C12orf42: variants seen among roughly 807,000 people sequenced by gnomAD.
C12orf42 encodes the protein chromosome 12 open reading frame 42, also known as uncharacterized protein C12orf42.
C12orf42 carries 25 observed loss-of-function variants against 21.6 expected under a neutral mutation model. That is an observed-to-expected ratio of 1.16 (90% confidence interval 0.84 to 1.62). The LOEUF is 1.62. Among genes scored for constraint, C12orf42 ranks in the 40% most tolerant of loss-of-function variants. The probability of loss-of-function intolerance (pLI) is 0.00; values close to 1 mark genes in which losing one functional copy is unlikely to be tolerated. For missense variants in C12orf42, 483 were observed against 459.3 expected, an observed-to-expected ratio of 1.05 and a Z score of -0.47; for synonymous variants, 174 against 175.0, an observed-to-expected ratio of 0.99 and a Z score of 0.05.
the C12orf42 span, among the ~76,000 whole-genome samples, chr12:103,556,154 G>A: frequency 6.6e-6 from 1 of 152,074 alleles, no homozygotes; most frequent in Non-Finnish European, 1.5e-5. Context: ...CCCACCCCTG[G>A]GTTCAAAGCC....
chr12:103,250,792 T>G (rs1393369846), intron 10 of C12orf42, among the ~76,000 whole-genome samples: 2 of 152,102 alleles, frequency 1.3e-5, no homozygotes, highest in Non-Finnish European at 1.5e-5. Flanking sequence ...CTCAGAATCC[T>G]TCACAAGCTT....
intron 4 of C12orf42, among the ~76,000 whole-genome samples, chr12:103,331,027 C>G (rs920409087): frequency 1.3e-5 from 2 of 152,162 alleles, no homozygotes; most frequent in African/African-American, 4.8e-5. Context: ...ATAAAATAAA[C>G]CAATTCTCTA....
Position 103,302,027 on chromosome 12 carries a change from C to T in C12orf42, c.*81G>A, listed in dbSNP as rs2037690730. Reference sequence around the variant, plus strand: ...AACAATGGTTCTGTGGAAACCAGTACATCTGAGGCCCTTTCTGTTGTTCTG... The same window carrying T: ...AACAATGGTTCTGTGGAAACCAGTATATCTGAGGCCCTTTCTGTTGTTCTG... On this transcript the variant is annotated 3_prime_UTR_variant, in exon 6 of 6. Coordinates refer to ENST00000548883, the MANE Select transcript of C12orf42 (RefSeq NM_198521.5). 7.1e-7 allele frequency: 1 copy of T among 1,409,776 alleles called. No individual in the cohort carries two copies. The highest frequency in any genetic ancestry group is 9.7e-7 in the Non-Finnish European group (1 of 1,032,342). 87.3% of individuals were successfully genotyped at this position (1,409,776 alleles called of 1,614,324 possible).
At chr12:103,321,200 C>A (rs201264740) in intron 4 of C12orf42, among the ~76,000 whole-genome samples, 1 of 149,986 alleles carries the variant, frequency 6.7e-6, no homozygotes, top group Admixed American at 6.7e-5. Flanking sequence ...ACAAAGTGGG[C>A]GAAGGACATG....
the C12orf42 span, among the ~76,000 whole-genome samples, chr12:103,061,972 T>A: frequency 6.6e-6 from 1 of 151,966 alleles, no homozygotes; most frequent in Non-Finnish European, 1.5e-5. Context: ...TCCCCCTTGG[T>A]TTATTGTTTT....
chr12:103,057,477 T>C, the C12orf42 span, among the ~76,000 whole-genome samples: 1 of 152,278 alleles, frequency 6.6e-6, no homozygotes, highest in Middle Eastern at 3.4e-3. Context: ...CTATATTACT[T>C]TGCTGAGAAT....
the C12orf42 span, among the ~76,000 whole-genome samples, chr12:103,069,946 T>C: frequency 6.6e-6 from 1 of 152,222 alleles, no homozygotes; most frequent in Non-Finnish European, 1.5e-5. Context: ...AATAATTTAA[T>C]GAGGCTCAGT....
At chr12:103,191,570 A>AAAAAAAAAAAAAAAAAAAAC in the C12orf42 span, among the ~76,000 whole-genome samples, 1 of 129,024 alleles carries the variant, frequency 7.8e-6, no homozygotes, top group African/African-American at 2.9e-5. Context: ...AAAAAAAAAA[A>AAAAAAAAAAAAAAAAAAAAC]AAAATACAAA....
chr12:103,388,606 C>T (rs1309663284), intron 3 of C12orf42, among the ~76,000 whole-genome samples: 1 of 148,748 alleles, frequency 6.7e-6, no homozygotes, highest in African/African-American at 2.4e-5. Context: ...CTTTTAGATG[C>T]CTGAAATATT....
chr12:103,172,190 A>C, the C12orf42 span, among the ~76,000 whole-genome samples: 3 of 152,060 alleles, frequency 2.0e-5, no homozygotes, highest in Non-Finnish European at 4.4e-5. Flanking sequence ...CTGCTTTCAT[A>C]AATTTCCCAA....
At chr12:103,546,704 T>A in the C12orf42 span, among the ~76,000 whole-genome samples, 1 of 152,178 alleles carries the variant, frequency 6.6e-6, no homozygotes, top group African/African-American at 2.4e-5. Context: ...ATGACAGGGG[T>A]TAGGACATGC....
chr12:103,441,025 C>A (rs959470295), intron 2 of C12orf42, among the ~76,000 whole-genome samples: 3 of 152,156 alleles, frequency 2.0e-5, no homozygotes, highest in African/African-American at 7.2e-5. Flanking sequence ...AAATAAACTA[C>A]TTTTCATTTA....
chr12:103,404,489 G>A (rs1182575095), intron 2 of C12orf42, among the ~76,000 whole-genome samples: 4 of 152,176 alleles, frequency 2.6e-5, no homozygotes, highest in Non-Finnish European at 4.4e-5. Flanking sequence ...TATAATGAAG[G>A]TTGCTAAATG....
At chr12:103,188,042 C>G in the C12orf42 span, among the ~76,000 whole-genome samples, 1 of 152,194 alleles carries the variant, frequency 6.6e-6, no homozygotes, top group Non-Finnish European at 1.5e-5. Context: ...AAATCTCCCT[C>G]TCTCATTTAT....
intron 4 of C12orf42, among the ~76,000 whole-genome samples, chr12:103,328,970 C>T (rs2040957342): frequency 6.6e-6 from 1 of 152,226 alleles, no homozygotes; most frequent in African/African-American, 2.4e-5. Flanking sequence ...AACTAAAGCA[C>T]AGTTCCTGCC....
intron 4 of C12orf42, among the ~76,000 whole-genome samples, chr12:103,294,530 G>GAAGC (rs1167366502): frequency 1.5e-5 from 2 of 134,290 alleles, no homozygotes; most frequent in Non-Finnish European, 3.2e-5. Flanking sequence ...AAGAAAGAAA[G>GAAGC]AAGCAAGCAA....
chr12:103,469,974 T>TA (rs926548545), intron 2 of C12orf42, among the ~76,000 whole-genome samples: 1 of 152,160 alleles, frequency 6.6e-6, no homozygotes, highest in Admixed American at 6.5e-5. Flanking sequence ...TAGAAAGCCA[T>TA]AAAATGAGTC....
Position 103,346,651 on chromosome 12 carries a change from C to G in C12orf42, c.259+22236G>C, listed in dbSNP as rs1408089626. Among the ~76,000 whole-genome samples the G allele has an allele frequency of 2.0e-5, 3 of 152,276 alleles. No homozygotes were observed. In the South Asian group the frequency reaches 6.2e-4, roughly 32 times the overall value. On this transcript the variant is annotated intron_variant, in intron 4 of 5. Coordinates refer to ENST00000548883, the MANE Select transcript of C12orf42 (RefSeq NM_198521.5). The stretch of plus-strand genomic sequence containing the variant: ...CCTCAGTGTGACTACAAGAGGCACT[C>G]CTATACAAATGCATCTGTTTCCAGT...
At chr12:103,091,368 T>G in the C12orf42 span, among the ~76,000 whole-genome samples, 1 of 149,296 alleles carries the variant, frequency 6.7e-6, no homozygotes, top group Non-Finnish European at 1.5e-5. Flanking sequence ...TGAAGTTTTT[T>G]CCCCCTCTTG....
Sources: gnomAD v4.1 joint callset for allele counts (sites outside exome capture counted in the v4.1 genomes callset) on GRCh38, gnomAD v4.1.1 for gene constraint, MANE v1.5 for transcripts, NCBI Gene and HGNC (gene_info 2026-07-23, HGNC 2026-07-21) for gene names.